Variants in FAM13A observed in about 807,000 individuals in gnomAD.
The protein encoded by FAM13A is family with sequence similarity 13 member A, also known as protein FAM13A.
Under a neutral mutation model 129.6 loss-of-function variants are expected in FAM13A, and 76 were observed. That is an observed-to-expected ratio of 0.59 (90% confidence interval 0.49 to 0.71). FAM13A has a LOEUF of 0.71. Ranked by LOEUF, FAM13A falls within the 30% of genes least tolerant of loss-of-function variation. The probability of loss-of-function intolerance (pLI) is 0.00; values close to 1 mark genes in which losing one functional copy is unlikely to be tolerated. For synonymous variants in FAM13A, 443 were observed against 449.9 expected (o/e 0.98, Z 0.20); for missense variants, 1,108 against 1,249.3 (o/e 0.89, Z 1.70).
At chr4:89,038,618 A>G (rs1420224553) in intron 1 of FAM13A, among the ~76,000 whole-genome samples, 7 of 152,234 alleles carry the variant, frequency 4.6e-5, no homozygotes, top group Non-Finnish European at 1.0e-4. Context: ...TTATTAATAC[A>G]TATAACCTAT....
chr4:88,805,340 A>G (rs1392055610), intron 7 of FAM13A, among the ~76,000 whole-genome samples: 2 of 152,200 alleles, frequency 1.3e-5, no homozygotes, highest in Non-Finnish European at 2.9e-5. Flanking sequence ...GGCCCAATTC[A>G]AGTATTCGTA....
chr4:88,768,518 T>C (rs1158280599), intron 11 of FAM13A: 1 of 155,348 alleles, frequency 6.4e-6, no homozygotes, highest in Non-Finnish European at 1.4e-5. Context: ...TTTATGTATA[T>C]TCAGTGTACA....
At chr4:88,738,189 C>G (rs973227640) in intron 20 of FAM13A, among the ~76,000 whole-genome samples, 2 of 152,074 alleles carry the variant, frequency 1.3e-5, no homozygotes, top group African/African-American at 4.8e-5. Context: ...CATTTAAGGC[C>G]GGGCCAGACA....
intron 1 of FAM13A, among the ~76,000 whole-genome samples, chr4:89,044,637 T>C (rs879363752): frequency 2.6e-5 from 4 of 152,116 alleles, no homozygotes; most frequent in Non-Finnish European, 5.9e-5. Flanking sequence ...CATAGCAGCA[T>C]TATTCACGAC....
chr4:88,936,524 C>CA (rs1753867412), intron 5 of FAM13A: 1 of 152,256 alleles, frequency 6.6e-6, no homozygotes, highest in Non-Finnish European at 1.5e-5. Context: ...CTAAGTCATT[C>CA]ACGAAGGATC....
chr4:88,890,010 G>A (rs1289930273), intron 6 of FAM13A, among the ~76,000 whole-genome samples: 1 of 152,176 alleles, frequency 6.6e-6, no homozygotes, highest in African/African-American at 2.4e-5. Flanking sequence ...TAGGGTTAAT[G>A]AAAAATGAGG....
intron 3 of FAM13A, among the ~76,000 whole-genome samples, chr4:89,009,460 T>C (rs910225341): frequency 6.6e-6 from 1 of 151,774 alleles, no homozygotes; most frequent in East Asian, 2.0e-4. Flanking sequence ...CTATGAGCTA[T>C]GCAAGGTTAG....
chr4:88,862,185 A>G (rs933406598), intron 6 of FAM13A, among the ~76,000 whole-genome samples: 1 of 152,238 alleles, frequency 6.6e-6, no homozygotes, highest in African/African-American at 2.4e-5. Flanking sequence ...ATGAGCTATG[A>G]TAAATGTTAG....
intron 6 of FAM13A, among the ~76,000 whole-genome samples, chr4:88,879,555 C>T (rs11945494): frequency 0.27 from 41,260 of 152,022 alleles, 6,123 homozygotes; most frequent in Middle Eastern, 0.37. Context: ...GTAAAGCCAT[C>T]CTTCCTTCTA....
intron 8 of FAM13A, among the ~76,000 whole-genome samples, chr4:88,797,782 C>T (rs1726530134): frequency 6.6e-6 from 1 of 152,166 alleles, no homozygotes; most frequent in Non-Finnish European, 1.5e-5. Context: ...TCCAAGCCTA[C>T]TCTGCTTTAA....
In FAM13A at chr4:88,726,289, A is replaced by G. The variant is rs1736447388; in HGVS notation, c.*2244T>C. ...TCTCATTTCTTCTGGGCTCCATTCC[A>G]TGAAGAATATAAGTTAGTTAGTTAG... On this transcript the variant is annotated 3_prime_UTR_variant, in exon 24 of 24. Coordinates refer to ENST00000264344, the MANE Select transcript of FAM13A (RefSeq NM_014883.4). 1 of 131,572 alleles carries G rather than the reference A, an allele frequency of 7.6e-6. No individual in the cohort carries two copies. Among genetic ancestry groups the G allele is most frequent in the South Asian group, 2.9e-4 (1 of 3,482 alleles). 8.2% of individuals were successfully genotyped at this position (131,572 alleles called of 1,614,324 possible).
intron 13 of FAM13A, among the ~76,000 whole-genome samples, chr4:88,765,477 A>G (rs1745564534): frequency 1.3e-5 from 2 of 152,344 alleles, no homozygotes; most frequent in African/African-American, 4.8e-5. Flanking sequence ...CTTATTTTTC[A>G]TCACTGAAAA....
At chr4:88,971,064 C>T (rs1760015802) in intron 4 of FAM13A, among the ~76,000 whole-genome samples, 1 of 152,122 alleles carries the variant, frequency 6.6e-6, no homozygotes, top group Middle Eastern at 3.4e-3. Flanking sequence ...AAAAATTAGC[C>T]GGGCGTGGTG....
intron 1 of FAM13A, among the ~76,000 whole-genome samples, chr4:89,045,028 T>G (rs1454094629): frequency 6.6e-6 from 1 of 152,166 alleles, no homozygotes; most frequent in Non-Finnish European, 1.5e-5. Flanking sequence ...GTGAATATGC[T>G]TAATCTTACA....
chr4:88,950,106 T>C (rs1235936186), intron 4 of FAM13A, among the ~76,000 whole-genome samples: 2 of 152,176 alleles, frequency 1.3e-5, no homozygotes, highest in African/African-American at 2.4e-5. Flanking sequence ...TATGTTTCAA[T>C]CTATTTTAGA....
intron 13 of FAM13A, among the ~76,000 whole-genome samples, chr4:88,765,951 T>C (rs1029046393): frequency 6.6e-6 from 1 of 152,164 alleles, no homozygotes; most frequent in African/African-American, 2.4e-5. Context: ...GGATGTGAGA[T>C]TGTTTCCCAA....
At chr4:88,868,856 G>A (rs1429425275) in intron 6 of FAM13A, among the ~76,000 whole-genome samples, 1 of 152,158 alleles carries the variant, frequency 6.6e-6, no homozygotes, top group Non-Finnish European at 1.5e-5. Context: ...ATACTACAGA[G>A]ATGATTATGC....
chr4:88,800,119 A>AGAAC (rs1727118925), intron 8 of FAM13A, among the ~76,000 whole-genome samples: 1 of 152,174 alleles, frequency 6.6e-6, no homozygotes, highest in Non-Finnish European at 1.5e-5. Context: ...AAAGACAGAG[A>AGAAC]GTGAAATGGT....
At chr4:88,833,310 C>G (rs1156645148) in intron 7 of FAM13A, among the ~76,000 whole-genome samples, 1 of 152,066 alleles carries the variant, frequency 6.6e-6, no homozygotes. Context: ...TGCTGCAAAC[C>G]ACCATGGCAT....
Sources: gnomAD v4.1 joint callset for allele counts (sites outside exome capture counted in the v4.1 genomes callset) on GRCh38, gnomAD v4.1.1 for gene constraint, MANE v1.5 for transcripts, NCBI Gene and HGNC (gene_info 2026-07-23, HGNC 2026-07-21) for gene names.